Variants in RFX3 observed in about 807,000 individuals in gnomAD.
RFX3 encodes the protein transcription factor RFX3.
Under a neutral mutation model 98.6 loss-of-function variants are expected in RFX3, and 14 were observed. The observed-to-expected ratio is 0.14, with a 90% CI of 0.09 to 0.22. The LOEUF is 0.22. RFX3 is among the 10% of genes least tolerant of loss of function. RFX3 has a pLI of 1.00. For synonymous variants in RFX3, 383 were observed against 328.4 expected (o/e 1.17, Z -1.80); for missense variants, 639 against 926.9 (o/e 0.69, Z 4.03).
At chr9:3,322,648 G>A (rs760888986) in intron 4 of RFX3, among the ~76,000 whole-genome samples, 6 of 152,070 alleles carry the variant, frequency 3.9e-5, no homozygotes, top group Admixed American at 6.5e-5. Flanking sequence ...TAGGAGAATC[G>A]CTTGAACCCA....
chr9:3,366,509 T>C (rs1329303650), intron 2 of RFX3, among the ~76,000 whole-genome samples: 3 of 152,242 alleles, frequency 2.0e-5, no homozygotes, highest in Admixed American at 2.0e-4. Flanking sequence ...TACAGTGATG[T>C]GCTTATTTAT....
At chr9:3,238,038 A>C (rs1819405924) in intron 15 of RFX3, among the ~76,000 whole-genome samples, 1 of 152,166 alleles carries the variant, frequency 6.6e-6, no homozygotes, top group Admixed American at 6.5e-5. Flanking sequence ...AGACTTCCCA[A>C]TATATGAACA....
intron 4 of RFX3, among the ~76,000 whole-genome samples, chr9:3,306,165 A>G (rs567970472): frequency 5.9e-5 from 9 of 152,220 alleles, no homozygotes; most frequent in Admixed American, 2.0e-4. Flanking sequence ...CATTGATCCA[A>G]AAGATTACTG....
intron 9 of RFX3, among the ~76,000 whole-genome samples, chr9:3,271,375 C>T (rs1586824281): frequency 6.6e-6 from 1 of 151,328 alleles, no homozygotes; most frequent in Middle Eastern, 3.4e-3. Context: ...TTCATGCCAC[C>T]CTCACTTCTA....
chr9:3,427,322 A>T (rs1051065246), intron 1 of RFX3, among the ~76,000 whole-genome samples: 6 of 142,572 alleles, frequency 4.2e-5, no homozygotes, highest in African/African-American at 5.1e-5. Context: ...ATAATAATAC[A>T]ATATATAAAT....
At chr9:3,366,952 G>C (rs916595897) in intron 2 of RFX3, among the ~76,000 whole-genome samples, 7 of 151,752 alleles carry the variant, frequency 4.6e-5, no homozygotes, top group African/African-American at 1.7e-4. Flanking sequence ...TTTCATATGT[G>C]AGTTATATGC....
Position 3,504,921 on chromosome 9 carries a change from C to CATATATTATATATAAT in RFX3, c.-9+20810_-9+20825dup, listed in dbSNP as rs1564185740. Among the ~76,000 whole-genome samples the CATATATTATATATAAT allele has an allele frequency of 1.9e-4, 4 of 21,430 alleles. No homozygotes were observed. In the Admixed American group the frequency reaches 3.0e-3, roughly 16 times the overall value. The allele number at this position is 21,430 out of a possible 152,430, so 14.1% of individuals were successfully genotyped here. ...TATATTATATATATATATAATATAACATATATTATATATAATATATATAAT... is the reference window on the plus strand; with the variant it reads ...TATATTATATATATATATAATATAACATATATTATATATAATATATATTATATATAATATATATAAT... On this transcript the variant is annotated intron_variant, in intron 1 of 16. Coordinates refer to ENST00000617270, the MANE Select transcript of RFX3 (RefSeq NM_001282116.2).
At chr9:3,452,376 A>C (rs1846727324) in intron 1 of RFX3, 1 of 322,728 alleles carries the variant, frequency 3.1e-6, no homozygotes, top group Admixed American at 2.8e-5. Flanking sequence ...GAACTGCTTG[A>C]CACTAGGAGT....
At chr9:3,258,583 T>C (rs1053658301) in intron 13 of RFX3, among the ~76,000 whole-genome samples, 2 of 152,040 alleles carry the variant, frequency 1.3e-5, no homozygotes, top group African/African-American at 4.8e-5. Flanking sequence ...CTTATCTAAT[T>C]AATCATAAAT....
At chr9:3,479,495 TAAATG>T (rs1309284038) in intron 1 of RFX3, among the ~76,000 whole-genome samples, 1 of 152,186 alleles carries the variant, frequency 6.6e-6, no homozygotes, top group African/African-American at 2.4e-5. Context: ...TTTCAGTACT[TAAATG>T]AGAGTGAAAC....
At chr9:3,366,706 CTTTCTTTCTTTCTTTCTTTCT>C (rs1563993992) in intron 2 of RFX3, among the ~76,000 whole-genome samples, 1 of 88,716 alleles carries the variant, frequency 1.1e-5, no homozygotes, top group Admixed American at 1.2e-4. Context: ...TTCTTTCTTT[CTTTCTTTCTTTCTTTCTTTCT>C]TTCTTTCTTT....
intron 4 of RFX3, among the ~76,000 whole-genome samples, chr9:3,304,237 T>A (rs1467934944): frequency 6.6e-6 from 1 of 152,028 alleles, no homozygotes; most frequent in Non-Finnish European, 1.5e-5. Context: ...ATGTATTTAT[T>A]ATATTCATTT....
intron 15 of RFX3, among the ~76,000 whole-genome samples, chr9:3,234,332 C>A (rs1020951294): frequency 6.6e-6 from 1 of 152,070 alleles, no homozygotes; most frequent in Non-Finnish European, 1.5e-5. Context: ...TGTAACATAG[C>A]TCTAATAAAA....
intron 3 of RFX3, among the ~76,000 whole-genome samples, chr9:3,338,442 G>C (rs781148343): frequency 3.3e-5 from 5 of 152,316 alleles, no homozygotes; most frequent in Non-Finnish European, 4.4e-5. Flanking sequence ...TGTTGACAAT[G>C]TACAGCATAC....
intron 5 of RFX3, among the ~76,000 whole-genome samples, chr9:3,294,431 G>A (rs867796723): frequency 6.6e-6 from 1 of 152,074 alleles, no homozygotes; most frequent in Non-Finnish European, 1.5e-5. Flanking sequence ...CATGAGCCAA[G>A]TAATGTGCCA....
chr9:3,305,916 T>A (rs1829253661), intron 4 of RFX3, among the ~76,000 whole-genome samples: 1 of 152,144 alleles, frequency 6.6e-6, no homozygotes, highest in East Asian at 1.9e-4. Context: ...ATGGCACACA[T>A]CAGCATTTGA....
intron 1 of RFX3, chr9:3,488,785 C>G: frequency 1.0e-6 from 1 of 985,320 alleles, no homozygotes; most frequent in Non-Finnish European, 1.2e-6. Flanking sequence ...CGCAGAACCA[C>G]AAGTTTGAAA....
chr9:3,406,868 G>T (rs1842019802), intron 1 of RFX3, among the ~76,000 whole-genome samples: 1 of 152,132 alleles, frequency 6.6e-6, no homozygotes, highest in South Asian at 2.1e-4. Context: ...AAAAGATTTT[G>T]TGTATAGTTT....
intron 1 of RFX3, among the ~76,000 whole-genome samples, chr9:3,437,372 C>T (rs913387928): frequency 6.6e-6 from 1 of 152,158 alleles, no homozygotes. Context: ...CAGAAAGCAC[C>T]TGCATTTAAT....
Sources: allele counts gnomAD v4.1 joint callset (sites outside exome capture counted in the v4.1 genomes callset), GRCh38; gene constraint gnomAD v4.1.1; transcripts MANE v1.5; gene names NCBI Gene and HGNC (gene_info 2026-07-23, HGNC 2026-07-21).